Variants in DMD observed in about 807,000 individuals in gnomAD.
DMD encodes the protein mutant dystrophin.
DMD carries 63 observed loss-of-function variants against 330.1 expected under a neutral mutation model. The observed-to-expected ratio is 0.19, with a 90% CI of 0.16 to 0.24. The LOEUF (loss-of-function observed/expected upper bound fraction) is 0.24. DMD is among the 10% of genes least tolerant of loss of function. DMD has a pLI of 1.00. For missense variants in DMD, 3,344 were observed against 2,684.1 expected (o/e 1.25, Z -5.43); for synonymous variants, 1,223 against 959.8 (o/e 1.27, Z -5.07).
At chrX:33,057,738 T>C (rs1414602334) in intron 1 of DMD, among the ~76,000 whole-genome samples, 1 of 112,258 alleles carries the variant, frequency 8.9e-6, no homozygotes, top group African/African-American at 3.2e-5. Context: ...TTCTCAAACT[T>C]CATATAGATG....
chrX:31,748,699 T>C (rs1433032369), intron 51 of DMD, among the ~76,000 whole-genome samples: 8 of 111,864 alleles, frequency 7.2e-5, no homozygotes, highest in African/African-American at 2.6e-4. Context: ...ATATTGTACA[T>C]AGGAAAAGCA....
chrX:32,470,684 A>G (rs1396727930), intron 22 of DMD, among the ~76,000 whole-genome samples: 1 of 111,416 alleles, frequency 9.0e-6, no homozygotes, highest in African/African-American at 3.3e-5. Flanking sequence ...AAGCATTAAA[A>G]ACCACAACAA....
intron 47 of DMD, among the ~76,000 whole-genome samples, chrX:31,885,965 A>G (rs941664014): frequency 9.0e-6 from 1 of 111,127 alleles, no homozygotes; most frequent in African/African-American, 3.3e-5. Flanking sequence ...TTATCATGAT[A>G]TAATTGTGAT....
At chrX:32,917,991 A>T (rs1182572987) in intron 2 of DMD, among the ~76,000 whole-genome samples, 1 of 110,560 alleles carries the variant, frequency 9.0e-6, no homozygotes, top group African/African-American at 3.3e-5. Context: ...GAAAAAAAAA[A>T]AAAAAGAAAG....
chrX:32,071,875 A>G (rs1359454776), intron 44 of DMD, among the ~76,000 whole-genome samples: 1 of 111,640 alleles, frequency 9.0e-6, no homozygotes, highest in East Asian at 2.8e-4. Flanking sequence ...TTCCATCCTC[A>G]TTTTCTCTTC....
rs184331114 is a variant in DMD, at chrX:31,614,120, T to C, written c.8217+13553A>G. On this transcript the variant is annotated intron_variant, in intron 55 of 78. Coordinates refer to ENST00000357033, the MANE Select transcript of DMD (RefSeq NM_004006.3). ...TGCACAGCCATTTTCCAAATATTTG[T>C]AAAGCTACTGCAAAAACTAAAAAGG... 5.3e-5 allele frequency among the ~76,000 whole-genome samples: 6 copies of C among 112,458 alleles called. No individual in the cohort carries two copies. The East Asian group carries it at 1.7e-3, about 31-fold the overall frequency.
At chrX:31,186,708 A>G (rs978600719) in intron 67 of DMD, among the ~76,000 whole-genome samples, 1 of 112,466 alleles carries the variant, frequency 8.9e-6, no homozygotes, top group Non-Finnish European at 1.9e-5. Context: ...TCCATCACAG[A>G]GGTACTTTGT....
chrX:31,123,278 T>C (rs191803422), intron 78 of DMD, among the ~76,000 whole-genome samples: 4 of 110,007 alleles, frequency 3.6e-5, no homozygotes, highest in Non-Finnish European at 7.5e-5. Context: ...CAAGTTTGTA[T>C]ATCTATCTTT....
chrX:32,036,516 A>C (rs1351482594), intron 44 of DMD, among the ~76,000 whole-genome samples: 5 of 111,846 alleles, frequency 4.5e-5, no homozygotes, highest in Admixed American at 3.8e-4. Context: ...GGTCATATTA[A>C]ATAAATCAGG....
At chrX:32,484,861 C>T in intron 21 of DMD, 58 bp downstream of exon 21, 1 of 1,119,707 alleles carries the variant, frequency 8.9e-7, no homozygotes, top group Non-Finnish European at 1.2e-6. Context: ...TTCTGGATTT[C>T]CCCACAAATA....
At chrX:32,389,704 T>C in intron 31 of DMD, 30 bp from the exon 32 acceptor site, 1 of 1,182,784 alleles carries the variant, frequency 8.5e-7, no homozygotes, top group Non-Finnish European at 1.1e-6. Context: ...AGGCACTGAT[T>C]TAATTTTGCC....
chrX:32,198,711 T>C (rs192700988), intron 44 of DMD, among the ~76,000 whole-genome samples: 39 of 112,291 alleles, frequency 3.5e-4, no homozygotes, highest in Middle Eastern at 4.6e-3. Context: ...GAGTTCACTA[T>C]GATTTACATG....
At chrX:31,559,810 A>G (rs1006249899) in intron 55 of DMD, among the ~76,000 whole-genome samples, 1 of 110,196 alleles carries the variant, frequency 9.1e-6, no homozygotes. Context: ...ACTCACCACA[A>G]TAAGACTTCT....
intron 41 of DMD, among the ~76,000 whole-genome samples, chrX:32,329,997 T>C (rs761395890): frequency 1.4e-4 from 16 of 112,419 alleles, no homozygotes; most frequent in Non-Finnish European, 2.6e-4. Context: ...TTAAAATAGC[T>C]ATTTAGGAAT....
intron 2 of DMD, among the ~76,000 whole-genome samples, chrX:32,933,459 A>G (rs764989990): frequency 1.8e-5 from 2 of 112,160 alleles, no homozygotes; most frequent in East Asian, 5.6e-4. Flanking sequence ...GCTAAAATGA[A>G]TGACTAAGGA....
intron 43 of DMD, among the ~76,000 whole-genome samples, chrX:32,234,573 A>G (rs2097180782): frequency 8.9e-6 from 1 of 111,790 alleles, no homozygotes; most frequent in Non-Finnish European, 1.9e-5. Flanking sequence ...ATGCAATAAC[A>G]TTTTTAAAAA....
At chrX:32,498,615 G>A (rs918437124) in intron 19 of DMD, among the ~76,000 whole-genome samples, 5 of 110,616 alleles carry the variant, frequency 4.5e-5, no homozygotes, top group African/African-American at 1.6e-4. Flanking sequence ...AATCTCTTAC[G>A]GTCAATAAAC....
intron 7 of DMD, among the ~76,000 whole-genome samples, chrX:32,763,373 T>G (rs1408640950): frequency 8.9e-6 from 1 of 112,116 alleles, no homozygotes; most frequent in African/African-American, 3.2e-5. Flanking sequence ...TTTAAAGCAG[T>G]GATTAAATAT....
At chrX:32,726,221 T>C (rs2066865357) in intron 7 of DMD, among the ~76,000 whole-genome samples, 1 of 111,464 alleles carries the variant, frequency 9.0e-6, no homozygotes, top group Non-Finnish European at 1.9e-5. Flanking sequence ...ATTTTCTCTT[T>C]TGATCATATT....
Sources: allele counts gnomAD v4.1 joint callset (sites outside exome capture counted in the v4.1 genomes callset), GRCh38; gene constraint gnomAD v4.1.1; transcripts MANE v1.5; gene names NCBI Gene and HGNC (gene_info 2026-07-23, HGNC 2026-07-21).